Variants in KCNMA1 observed in about 807,000 individuals in gnomAD.
KCNMA1 encodes the protein potassium calcium-activated channel subfamily M alpha 1, also known as Calcium-activated potassium channel subunit alpha-1.
Under a neutral mutation model 140.0 loss-of-function variants are expected in KCNMA1, and 29 were observed. The observed-to-expected ratio is 0.21, with a 90% CI of 0.15 to 0.28. KCNMA1 has a LOEUF of 0.28. Ranked by LOEUF, KCNMA1 falls within the 10% of genes least tolerant of loss-of-function variation. The pLI is 1.00. For missense variants in KCNMA1, 880 were observed against 1,602.2 expected (o/e 0.55, Z 7.70); for synonymous variants, 612 against 611.9 (o/e 1.00, Z 0.00).
intron 1 of KCNMA1, among the ~76,000 whole-genome samples, chr10:77,465,278 A>T (rs1369251112): frequency 6.6e-6 from 1 of 152,124 alleles, no homozygotes; most frequent in African/African-American, 2.4e-5. Context: ...ACTAAGTGCA[A>T]AGCTGGTACC....
intron 1 of KCNMA1, among the ~76,000 whole-genome samples, chr10:77,612,439 G>T (rs2087295740): frequency 6.6e-6 from 1 of 152,184 alleles, no homozygotes; most frequent in African/African-American, 2.4e-5. Flanking sequence ...CAAGATCCAT[G>T]AATATTCATC....
chr10:77,133,030 C>A (rs1386332093), intron 5 of KCNMA1, among the ~76,000 whole-genome samples: 1 of 151,142 alleles, frequency 6.6e-6, no homozygotes, highest in Non-Finnish European at 1.5e-5. Flanking sequence ...GAAAGGTGTG[C>A]AGAAATTCTT....
At chr10:77,336,336 A>G (rs1225246082) in intron 2 of KCNMA1, among the ~76,000 whole-genome samples, 2 of 152,156 alleles carry the variant, frequency 1.3e-5, no homozygotes. Context: ...AGAACAGAAG[A>G]CAAAGAATAA....
chr10:77,554,587 T>A (rs1603635778), intron 1 of KCNMA1, among the ~76,000 whole-genome samples: 1 of 73,274 alleles, frequency 1.4e-5, no homozygotes, highest in African/African-American at 5.9e-5. Flanking sequence ...ACAAGAGTAA[T>A]ACTCCATCTC....
chr10:77,178,533 C>T (rs1477289710), intron 5 of KCNMA1, among the ~76,000 whole-genome samples: 3 of 152,042 alleles, frequency 2.0e-5, no homozygotes, highest in East Asian at 1.9e-4. Flanking sequence ...ATGGCGATCC[C>T]GTCTCTACTA....
At chr10:77,493,978 G>A (rs2040900164) in intron 1 of KCNMA1, 1 of 152,294 alleles carries the variant, frequency 6.6e-6, no homozygotes, top group Non-Finnish European at 1.5e-5. Context: ...AGAGGCGAAG[G>A]AGGTGAGCCC....
chr10:77,392,393 A>T (rs2095867959), intron 2 of KCNMA1, among the ~76,000 whole-genome samples: 1 of 152,128 alleles, frequency 6.6e-6, no homozygotes, highest in Non-Finnish European at 1.5e-5. Flanking sequence ...ACTGCACAGG[A>T]TGTGCAATCA....
At chr10:77,204,868 C>A (rs748614102) in intron 3 of KCNMA1, among the ~76,000 whole-genome samples, 1 of 152,148 alleles carries the variant, frequency 6.6e-6, no homozygotes, top group Non-Finnish European at 1.5e-5. Context: ...CCACGGGTGA[C>A]CCCAGGAAGG....
chr10:77,457,063 G>C (rs1047912996), intron 1 of KCNMA1, among the ~76,000 whole-genome samples: 2 of 152,158 alleles, frequency 1.3e-5, no homozygotes, highest in Non-Finnish European at 2.9e-5. Context: ...TGCTTACATA[G>C]AGACAAAATA....
intron 9 of KCNMA1, among the ~76,000 whole-genome samples, chr10:77,101,682 A>C (rs1382282795): frequency 6.6e-6 from 1 of 152,198 alleles, no homozygotes; most frequent in Non-Finnish European, 1.5e-5. Context: ...TGTAGGATGC[A>C]AAGCTTCAGT....
chr10:77,097,959 G>C (rs1031537320), intron 9 of KCNMA1, among the ~76,000 whole-genome samples: 3 of 152,198 alleles, frequency 2.0e-5, no homozygotes, highest in African/African-American at 7.2e-5. Flanking sequence ...AGAGCCCCAA[G>C]GTCAGAGGAC....
At position 77,637,370 on chromosome 10, in the gene KCNMA1, C is replaced by T; in HGVS notation, c.273G>A (p.Leu91=). The T allele has an allele frequency of 3.1e-6, 5 of 1,613,960 alleles. No individual in the cohort carries two copies. Among genetic ancestry groups the T allele is most frequent in the Non-Finnish European group, 4.2e-6 (5 of 1,179,952 alleles). The change falls in exon 1 of 28, where the codon CTG becomes CTA. Residue 91 remains leucine, a synonymous_variant. Transcript: ENST00000286628. ...CGAAGAAAGTCACCATGGAGGAGGCCAGGAAAGCCCACCACATGCGTTGGC... is the reference window on the plus strand; with the variant it reads ...CGAAGAAAGTCACCATGGAGGAGGCTAGGAAAGCCCACCACATGCGTTGGC... ...SRGQRMWWAF[L]ASSMVTFFGG...
At chr10:77,551,803 A>G (rs894768615) in intron 1 of KCNMA1, among the ~76,000 whole-genome samples, 2 of 152,150 alleles carry the variant, frequency 1.3e-5, no homozygotes, top group African/African-American at 4.8e-5. Flanking sequence ...CAGCACATCT[A>G]TTCAAGCCAT....
Position 77,434,862 on chromosome 10 carries a change from C to A in KCNMA1, c.379-30839G>T, listed in dbSNP as rs372600886. On this transcript the variant is annotated intron_variant, in intron 1 of 27. Transcript: ENST00000286628. ...CAGTGCTTCTTAAATGTGTTATTCACATACTCCCATCACAACTTCTGCCCT... is the reference window on the plus strand; with the variant it reads ...CAGTGCTTCTTAAATGTGTTATTCAAATACTCCCATCACAACTTCTGCCCT... Among the ~76,000 whole-genome samples the A allele has an allele frequency of 7.9e-5, 12 of 152,336 alleles. 1 individual carries two copies. The highest frequency in any genetic ancestry group is 2.9e-4 in the African/African-American group (12 of 41,582).
intron 5 of KCNMA1, among the ~76,000 whole-genome samples, chr10:77,146,710 A>C (rs1262610162): frequency 2.1e-5 from 1 of 46,812 alleles, no homozygotes; most frequent in Admixed American, 1.7e-4. Flanking sequence ...TCAAAAAAAA[A>C]AAAAAAAAAA....
intron 1 of KCNMA1, among the ~76,000 whole-genome samples, chr10:77,558,299 G>C (rs532599763): frequency 7.9e-5 from 12 of 152,128 alleles, no homozygotes; most frequent in East Asian, 1.9e-4. Flanking sequence ...ATCTCCCTTA[G>C]AGCGTAGAAT....
At chr10:77,338,376 G>A (rs1181637786) in intron 2 of KCNMA1, among the ~76,000 whole-genome samples, 4 of 152,102 alleles carry the variant, frequency 2.6e-5, no homozygotes, top group African/African-American at 9.7e-5. Flanking sequence ...ACCAGAGACT[G>A]AGGAATAAAC....
chr10:77,341,690 G>C (rs1000566097), intron 2 of KCNMA1, among the ~76,000 whole-genome samples: 6 of 152,178 alleles, frequency 3.9e-5, no homozygotes, highest in African/African-American at 1.2e-4. Flanking sequence ...GCTGGTGAAG[G>C]GGGTAGTGAG....
At chr10:77,439,054 G>C (rs2097325670) in intron 1 of KCNMA1, among the ~76,000 whole-genome samples, 1 of 147,758 alleles carries the variant, frequency 6.8e-6, no homozygotes, top group Admixed American at 6.8e-5. Context: ...CTGGGCGACA[G>C]AGCGAGACTC....
Sources: gnomAD v4.1 joint callset for allele counts (sites outside exome capture counted in the v4.1 genomes callset) on GRCh38, gnomAD v4.1.1 for gene constraint, MANE v1.5 for transcripts, NCBI Gene and HGNC (gene_info 2026-07-23, HGNC 2026-07-21) for gene names.